Variants in MAGI2 observed in about 807,000 individuals in gnomAD.
MAGI2 encodes the protein membrane-associated guanylate kinase, WW and PDZ domain-containing protein 2.
In MAGI2, 35 loss-of-function variants were observed where a neutral mutation model predicts 133.3. The ratio of observed to expected loss-of-function variants is 0.26; its 90% confidence interval spans 0.20 to 0.35. MAGI2 has a LOEUF of 0.35. Among genes scored for constraint, MAGI2 ranks in the 10% least tolerant of loss-of-function variants. The pLI is 1.00. For synonymous variants in MAGI2, 729 were observed against 710.6 expected (o/e 1.03, Z -0.41); for missense variants, 1,636 against 1,863.4 (o/e 0.88, Z 2.25).
intron 2 of MAGI2, among the ~76,000 whole-genome samples, chr7:78,705,173 G>A (rs768283460): frequency 1.3e-5 from 2 of 152,028 alleles, no homozygotes; most frequent in African/African-American, 2.4e-5. Flanking sequence ...TATCAATGGA[G>A]GGACCTGATG....
intron 2 of MAGI2, among the ~76,000 whole-genome samples, chr7:78,777,143 T>G (rs935563182): frequency 6.6e-6 from 1 of 152,204 alleles, no homozygotes. Flanking sequence ...AGTTAAAGTT[T>G]GATTACCCCA....
intron 1 of MAGI2, among the ~76,000 whole-genome samples, chr7:79,273,266 C>T (rs1835006367): frequency 6.6e-6 from 1 of 151,914 alleles, no homozygotes; most frequent in African/African-American, 2.4e-5. Flanking sequence ...GGCTGCAATA[C>T]CTCTTTCAAA....
intron 1 of MAGI2, among the ~76,000 whole-genome samples, chr7:79,404,738 A>G (rs377360323): frequency 6.6e-6 from 1 of 152,080 alleles, no homozygotes; most frequent in Admixed American, 6.6e-5. Context: ...GGCCCAGGAT[A>G]CCCACCCAAA....
At chr7:78,424,457 C>T (rs1799096129) in intron 6 of MAGI2, among the ~76,000 whole-genome samples, 1 of 152,138 alleles carries the variant, frequency 6.6e-6, no homozygotes, top group African/African-American at 2.4e-5. Flanking sequence ...GTTGGAGTCC[C>T]CTGCACAGAG....
chr7:78,465,304 T>G (rs943626367), intron 6 of MAGI2, among the ~76,000 whole-genome samples: 2 of 152,154 alleles, frequency 1.3e-5, no homozygotes, highest in African/African-American at 4.8e-5. Flanking sequence ...TCTTAAATTA[T>G]AGACACTGGT....
intron 2 of MAGI2, among the ~76,000 whole-genome samples, chr7:78,785,367 A>G (rs570693223): frequency 1.3e-5 from 2 of 152,252 alleles, no homozygotes; most frequent in Non-Finnish European, 2.9e-5. Context: ...TGGTTTTTAC[A>G]GCCCAATAGT....
chr7:79,217,595 T>G (rs889535919), intron 1 of MAGI2, among the ~76,000 whole-genome samples: 1 of 151,904 alleles, frequency 6.6e-6, no homozygotes, highest in Non-Finnish European at 1.5e-5. Context: ...GCAGGAGAGT[T>G]GGAATGTAAA....
At chr7:78,215,367 AGAGGC>A (rs1444765710) in intron 10 of MAGI2, among the ~76,000 whole-genome samples, 1 of 152,186 alleles carries the variant, frequency 6.6e-6, no homozygotes, top group African/African-American at 2.4e-5. Flanking sequence ...TTACAGAATA[AGAGGC>A]TGGTGCTTGA....
intron 21 of MAGI2, among the ~76,000 whole-genome samples, chr7:78,071,451 C>T (rs938501552): frequency 9.9e-5 from 15 of 152,124 alleles, no homozygotes; most frequent in African/African-American, 2.2e-4. Context: ...GCAGGAGGAT[C>T]GCTTGAACCT....
chr7:78,098,390 C>T (rs6466020), intron 20 of MAGI2, among the ~76,000 whole-genome samples: 72,204 of 151,918 alleles, frequency 0.48, 17,872 homozygotes, highest in African/African-American at 0.61. Flanking sequence ...CTCAACATTA[C>T]GTTGTTGCAA....
chr7:78,705,071 C>A (rs1818495730), intron 2 of MAGI2, among the ~76,000 whole-genome samples: 1 of 151,928 alleles, frequency 6.6e-6, no homozygotes, highest in African/African-American at 2.4e-5. Context: ...TTGGAGTTTC[C>A]TTTCCTTTTT....
At chr7:79,069,045 T>C (rs940851471) in intron 1 of MAGI2, among the ~76,000 whole-genome samples, 1 of 151,888 alleles carries the variant, frequency 6.6e-6, no homozygotes, top group African/African-American at 2.4e-5. Context: ...AAGTGTGGTG[T>C]GGTGTAGTGC....
intron 2 of MAGI2, among the ~76,000 whole-genome samples, chr7:78,704,349 A>G (rs1278219320): frequency 6.6e-6 from 1 of 152,206 alleles, no homozygotes; most frequent in African/African-American, 2.4e-5. Flanking sequence ...AGAGAAATGC[A>G]GATCAAAATC....
chr7:78,172,080 C>A (rs1826165805), intron 14 of MAGI2, among the ~76,000 whole-genome samples: 1 of 152,096 alleles, frequency 6.6e-6, no homozygotes, highest in South Asian at 2.1e-4. Flanking sequence ...GGGCACAGAA[C>A]AAAACAGAAC....
At chr7:78,363,802 A>G (rs933345161) in intron 7 of MAGI2, among the ~76,000 whole-genome samples, 1 of 152,206 alleles carries the variant, frequency 6.6e-6, no homozygotes, top group Non-Finnish European at 1.5e-5. Context: ...AAGACCGCTT[A>G]GGTTCAAATT....
intron 2 of MAGI2, among the ~76,000 whole-genome samples, chr7:78,729,554 G>T (rs996146339): frequency 6.6e-6 from 1 of 152,124 alleles, no homozygotes; most frequent in African/African-American, 2.4e-5. Flanking sequence ...AATATTTTTT[G>T]AACACAGTAT....
Position 79,342,495 on chromosome 7 carries a change from A to T in MAGI2, c.301+110525T>A, listed in dbSNP as rs1354593794. Among the ~76,000 whole-genome samples, 4 of 152,192 alleles carry T rather than the reference A, an allele frequency of 2.6e-5. No individual in the cohort carries two copies. The East Asian group carries it at 7.7e-4, about 29-fold the overall frequency. ...CAATGTCAAGATAGTTTTTCTCTGTAAAATGATTTAGATGCTTTTTTATTA... is the reference window on the plus strand; with the variant it reads ...CAATGTCAAGATAGTTTTTCTCTGTTAAATGATTTAGATGCTTTTTTATTA... On this transcript the variant is annotated intron_variant, in intron 1 of 21. Transcript: ENST00000354212.
Position 79,336,999 on chromosome 7 carries a change from GA to G in MAGI2, c.301+116020del, listed in dbSNP as rs3050603. Among the ~76,000 whole-genome samples the G allele has an allele frequency of 2.0e-4, 29 of 148,596 alleles. No homozygotes were observed. In the East Asian group the frequency reaches 2.4e-3, roughly 12 times the overall value. On this transcript the variant is annotated intron_variant, in intron 1 of 21. Coordinates refer to ENST00000354212, the MANE Select transcript of MAGI2 (RefSeq NM_012301.4). ...TTACATTTTAGCTGCTTCTGTCACA[GA>G]AAAAAAAAAACTAACTCTGTGAGAT...
At chr7:78,223,895 G>A (rs1789090432) in intron 10 of MAGI2, among the ~76,000 whole-genome samples, 1 of 152,102 alleles carries the variant, frequency 6.6e-6, no homozygotes, top group Non-Finnish European at 1.5e-5. Context: ...TAAAGCCACT[G>A]CTTTTCCCAG....
Sources: allele counts gnomAD v4.1 joint callset (sites outside exome capture counted in the v4.1 genomes callset), GRCh38; gene constraint gnomAD v4.1.1; transcripts MANE v1.5; gene names NCBI Gene and HGNC (gene_info 2026-07-23, HGNC 2026-07-21).